ENOX2: variants seen among roughly 807,000 people sequenced by gnomAD.
ENOX2 encodes ecto-NOX disulfide-thiol exchanger 2.
A neutral mutation model predicts 45.0 loss-of-function variants in ENOX2; 36 were observed. That is an observed-to-expected ratio of 0.80 (90% confidence interval 0.61 to 1.06). ENOX2 has a LOEUF of 1.06. Among genes scored for constraint, ENOX2 ranks in the 50% least tolerant of loss-of-function variants. The pLI is 0.00. For synonymous variants in ENOX2, 174 were observed against 152.3 expected (o/e 1.14, Z -1.05); for missense variants, 423 against 462.5 (o/e 0.91, Z 0.78).
chrX:130,880,317 T>C (rs934240016), intron 2 of ENOX2, among the ~76,000 whole-genome samples: 5 of 111,761 alleles, frequency 4.5e-5, no homozygotes, highest in East Asian at 2.8e-4. Flanking sequence ...TAGATAACAA[T>C]AGTCAAGGAC....
intron 12 of ENOX2, among the ~76,000 whole-genome samples, chrX:130,633,086 T>C (rs2035825371): frequency 8.9e-6 from 1 of 111,834 alleles, no homozygotes; most frequent in East Asian, 2.8e-4. Context: ...ATTTAAAAAA[T>C]TAGAAGGTAC....
At chrX:130,666,585 TCTTCTAATGA>T (rs1251515439) in intron 8 of ENOX2, among the ~76,000 whole-genome samples, 1 of 111,598 alleles carries the variant, frequency 9.0e-6, no homozygotes, top group Admixed American at 9.5e-5. Context: ...TTGCACCCTG[TCTTCTAATGA>T]CTTAAGGATT....
intron 4 of ENOX2, among the ~76,000 whole-genome samples, chrX:130,691,943 A>G (rs1365369788): frequency 4.4e-5 from 5 of 113,270 alleles, no homozygotes; most frequent in Non-Finnish European, 9.4e-5. Context: ...GTTTCGTATA[A>G]TTACATTAAT....
At chrX:130,733,065 T>C (rs1325598956) in intron 3 of ENOX2, among the ~76,000 whole-genome samples, 1 of 111,929 alleles carries the variant, frequency 8.9e-6, no homozygotes, top group Admixed American at 9.5e-5. Flanking sequence ...AAGGAAAAAC[T>C]CAACAGACTG....
intron 2 of ENOX2, among the ~76,000 whole-genome samples, chrX:130,822,067 CAAA>C (rs759582186): frequency 5.2e-5 from 1 of 19,133 alleles, no homozygotes; most frequent in Non-Finnish European, 1.1e-4. Flanking sequence ...GACTCCGTCT[CAAA>C]AAAAAAAAAA....
chrX:130,692,478 T>C (rs1269640137), intron 4 of ENOX2, among the ~76,000 whole-genome samples: 1 of 112,889 alleles, frequency 8.9e-6, no homozygotes, highest in Non-Finnish European at 1.9e-5. Flanking sequence ...TCTATTTTGC[T>C]TTTATCGTCT....
chrX:130,630,722 C>G (rs2035677367), intron 13 of ENOX2, among the ~76,000 whole-genome samples: 1 of 111,267 alleles, frequency 9.0e-6, no homozygotes, highest in Non-Finnish European at 1.9e-5. Context: ...GTGGAAACCC[C>G]TGACTTTGTA....
At chrX:130,676,190 C>A (rs1190300305) in intron 6 of ENOX2, among the ~76,000 whole-genome samples, 1 of 111,778 alleles carries the variant, frequency 8.9e-6, no homozygotes, top group Non-Finnish European at 1.9e-5. Flanking sequence ...TCTACATAAA[C>A]CTCATTAAAG....
intron 2 of ENOX2, among the ~76,000 whole-genome samples, chrX:130,898,506 G>A (rs1044680274): frequency 2.0e-4 from 22 of 108,959 alleles, no homozygotes; most frequent in Admixed American, 9.8e-4. Context: ...GTGTGTGTGC[G>A]TGTGTGTGTG....
intron 10 of ENOX2, among the ~76,000 whole-genome samples, chrX:130,651,865 T>C (rs1181216465): frequency 8.9e-6 from 1 of 111,867 alleles, no homozygotes; most frequent in African/African-American, 3.3e-5. Flanking sequence ...AAACGCTACT[T>C]GAATATGGAT....
chrX:130,812,317 A>G (rs1603356027), intron 2 of ENOX2, among the ~76,000 whole-genome samples: 1 of 112,146 alleles, frequency 8.9e-6, no homozygotes, highest in African/African-American at 3.2e-5. Context: ...GCAATAAGAG[A>G]AAAGAGGCAA....
At chrX:130,792,410 A>T (rs1020791361) in intron 2 of ENOX2, among the ~76,000 whole-genome samples, 1 of 112,733 alleles carries the variant, frequency 8.9e-6, no homozygotes, top group African/African-American at 3.2e-5. Flanking sequence ...AAAAGTTTTT[A>T]AAAAAGAAAA....
At chrX:130,764,969 T>G (rs751840398) in intron 3 of ENOX2, among the ~76,000 whole-genome samples, 1 of 111,735 alleles carries the variant, frequency 8.9e-6, no homozygotes, top group East Asian at 2.8e-4. Flanking sequence ...TTATTAATTA[T>G]CAGACACAAT....
chrX:130,646,379 CTCCCCTCCTGG>C, intron 10 of ENOX2: 1 of 231,102 alleles, frequency 4.3e-6, no homozygotes, highest in Non-Finnish European at 7.9e-6. Context: ...CACTGAAGAA[CTCCCCTCCTGG>C]GGCCCAGCTT....
intron 2 of ENOX2, among the ~76,000 whole-genome samples, chrX:130,804,092 C>G (rs1253206810): frequency 9.0e-6 from 1 of 111,221 alleles, no homozygotes; most frequent in African/African-American, 3.3e-5. Context: ...TCCTTCCCTG[C>G]CCACCCTCTG....
At chrX:130,760,785 CAAAAAAAAAAAAAAAAAAAAAAAAAAA>C (rs555575901) in intron 3 of ENOX2, among the ~76,000 whole-genome samples, 1 of 9,394 alleles carries the variant, frequency 1.1e-4, no homozygotes, top group African/African-American at 2.8e-4. Flanking sequence ...GACTCCATCT[CAAAAAAAAAAAAAAAAAAAAAAAAAAA>C]AAAAAAAAAG....
intron 2 of ENOX2, among the ~76,000 whole-genome samples, chrX:130,845,256 C>CT (rs2078080457): frequency 1.8e-5 from 2 of 111,926 alleles, no homozygotes; most frequent in South Asian, 3.7e-4. Flanking sequence ...CAGATGCATT[C>CT]TTTCCCATAA....
At chrX:130,644,069 G>A (rs780040725) in intron 10 of ENOX2, among the ~76,000 whole-genome samples, 126 of 111,803 alleles carry the variant, frequency 1.1e-3, no homozygotes, top group African/African-American at 4.0e-3. Flanking sequence ...AACTTGAATA[G>A]TATACTTATA....
chrX:130,875,994 T>C (rs775851046), intron 2 of ENOX2, among the ~76,000 whole-genome samples: 5 of 111,940 alleles, frequency 4.5e-5, no homozygotes, highest in Non-Finnish European at 7.5e-5. Context: ...TGCTTATTTA[T>C]TGCTGGTAGG....
Sources: gnomAD v4.1 joint callset for allele counts (sites outside exome capture counted in the v4.1 genomes callset) on GRCh38, gnomAD v4.1.1 for gene constraint, MANE v1.5 for transcripts, NCBI Gene and HGNC (gene_info 2026-07-23, HGNC 2026-07-21) for gene names.